Variants in CSNK1G1 observed in about 807,000 individuals in gnomAD.
CSNK1G1 encodes the protein casein kinase I isoform gamma-1.
A neutral mutation model predicts 59.6 loss-of-function variants in CSNK1G1; 22 were observed. That is an observed-to-expected ratio of 0.37 (90% CI 0.26 to 0.53). CSNK1G1 has a LOEUF of 0.53. Ranked by LOEUF, CSNK1G1 falls within the 20% of genes least tolerant of loss-of-function variation. The pLI is 0.89. For missense variants in CSNK1G1, 384 were observed against 519.5 expected, an observed-to-expected ratio of 0.74 and a Z score of 2.54; for synonymous variants, 179 against 177.1, an observed-to-expected ratio of 1.01 and a Z score of -0.08.
chr15:64,214,158 A>C lies in CSNK1G1; in HGVS notation c.445-34T>G. 6.9e-7 allele frequency: 1 copy of C among 1,449,204 alleles called. No individual in the cohort carries two copies. The highest frequency in any genetic ancestry group is 9.7e-7 in the Non-Finnish European group (1 of 1,030,340). The allele number at this position is 1,449,204 out of a possible 1,614,324, so 89.8% of individuals were successfully genotyped here. ...GAAACAAATGATAGAAAGACTGTAAAGAAGTATATCAGGAAAATACATCAA... is the reference window on the plus strand; with the variant it reads ...GAAACAAATGATAGAAAGACTGTAACGAAGTATATCAGGAAAATACATCAA... On this transcript the variant is annotated intron_variant, in intron 5 of 11. Transcript: ENST00000303052. This position sits in a 1 kb window ranked among gnomAD's most constrained non-coding sequence, Gnocchi z 4.3.
At chr15:64,280,703 C>T (rs1290851615) in intron 2 of CSNK1G1, among the ~76,000 whole-genome samples, 1 of 151,902 alleles carries the variant, frequency 6.6e-6, no homozygotes, top group African/African-American at 2.4e-5. Flanking sequence ...CTTCTCCCTC[C>T]AAATCAAAAC....
intron 10 of CSNK1G1, among the ~76,000 whole-genome samples, chr15:64,185,723 G>A (rs755571667): frequency 1.8e-4 from 28 of 151,992 alleles, no homozygotes; most frequent in Non-Finnish European, 3.7e-4. Flanking sequence ...AATTAGCTGG[G>A]TGTGGTGGCA....
chr15:64,217,856 T>A (rs1230104500), intron 4 of CSNK1G1, among the ~76,000 whole-genome samples: 1 of 151,824 alleles, frequency 6.6e-6, no homozygotes, highest in African/African-American at 2.4e-5. Flanking sequence ...TAAAAAATTA[T>A]CTGGTTTCAC....
chr15:64,327,759 G>C (rs1391178874), intron 1 of CSNK1G1, among the ~76,000 whole-genome samples: 2 of 140,284 alleles, frequency 1.4e-5, no homozygotes, highest in South Asian at 4.7e-4. Context: ...CAAAGGCAAA[G>C]AAGTTGAAAA....
chr15:64,174,215 C>G (rs2081713580), intron 11 of CSNK1G1, among the ~76,000 whole-genome samples: 1 of 152,182 alleles, frequency 6.6e-6, no homozygotes, highest in African/African-American at 2.4e-5. Context: ...CCAAGGCAAG[C>G]CATAAGAATT....
At chr15:64,301,773 G>A (rs1895352734) in intron 1 of CSNK1G1, among the ~76,000 whole-genome samples, 1 of 152,080 alleles carries the variant, frequency 6.6e-6, no homozygotes, top group South Asian at 2.1e-4. Flanking sequence ...TGTAATCCCA[G>A]CTACTCGGGA....
intron 1 of CSNK1G1, among the ~76,000 whole-genome samples, chr15:64,336,805 T>C (rs1337630048): frequency 6.6e-6 from 1 of 152,086 alleles, no homozygotes; most frequent in East Asian, 1.9e-4. Context: ...AATATAAAAA[T>C]TTTCACTAGT....
chr15:64,228,512 T>C (rs2082493965), intron 4 of CSNK1G1, among the ~76,000 whole-genome samples: 1 of 152,154 alleles, frequency 6.6e-6, no homozygotes, highest in Admixed American at 6.5e-5. Context: ...GGCGCACGCC[T>C]GTATTCCCAG....
At chr15:64,259,980 T>A (rs1311496866) in intron 2 of CSNK1G1, among the ~76,000 whole-genome samples, 1 of 152,220 alleles carries the variant, frequency 6.6e-6, no homozygotes, top group Non-Finnish European at 1.5e-5. Flanking sequence ...GGAATGATGA[T>A]GAGGGCCAGA....
intron 2 of CSNK1G1, among the ~76,000 whole-genome samples, chr15:64,279,988 A>G (rs1363862393): frequency 6.6e-6 from 1 of 151,856 alleles, no homozygotes; most frequent in Non-Finnish European, 1.5e-5. Context: ...AAAAAAAACA[A>G]AACAGAAACA....
rs193261388 is a variant in CSNK1G1 at position 64,187,341 on chromosome 15, G to A, written c.1108-6887C>T. On this transcript the variant is annotated intron_variant, in intron 10 of 11. Coordinates refer to ENST00000303052, the MANE Select transcript of CSNK1G1 (RefSeq NM_022048.5). The stretch of plus-strand genomic sequence containing the variant: ...TGAGTAGCTAGGATTACAGGTATGC[G>A]CCACCGGGCCTGGCTAATTTTTTTT... Among the ~76,000 whole-genome samples the A allele has an allele frequency of 9.2e-4, 138 of 150,628 alleles. 1 individual carries two copies. Among genetic ancestry groups the A allele is most frequent in the African/African-American group, 3.1e-3 (126 of 41,112 alleles).
intron 1 of CSNK1G1, among the ~76,000 whole-genome samples, chr15:64,339,352 G>A (rs1199378159): frequency 6.6e-6 from 1 of 151,990 alleles, no homozygotes; most frequent in Non-Finnish European, 1.5e-5. Flanking sequence ...TCACTCTCTC[G>A]CCCAAGGGGG....
intron 1 of CSNK1G1, among the ~76,000 whole-genome samples, chr15:64,306,113 A>G (rs1895673561): frequency 6.6e-6 from 1 of 152,248 alleles, no homozygotes; most frequent in Non-Finnish European, 1.5e-5. Context: ...CAACAAAAGC[A>G]TGATCAATGA....
At chr15:64,205,702 G>A (rs1198899980) in intron 7 of CSNK1G1, among the ~76,000 whole-genome samples, 1 of 152,162 alleles carries the variant, frequency 6.6e-6, no homozygotes, top group Non-Finnish European at 1.5e-5. Flanking sequence ...TATGGACAAC[G>A]AGAGAGTTTC....
intron 2 of CSNK1G1, among the ~76,000 whole-genome samples, chr15:64,262,491 G>T (rs538493194): frequency 6.6e-6 from 1 of 152,190 alleles, no homozygotes; most frequent in Non-Finnish European, 1.5e-5. Context: ...TATACTGTGG[G>T]TAGACCCATA....
intron 2 of CSNK1G1, among the ~76,000 whole-genome samples, chr15:64,272,786 C>T (rs1003530757): frequency 6.6e-6 from 1 of 152,102 alleles, no homozygotes; most frequent in African/African-American, 2.4e-5. Flanking sequence ...TGCTCTGTCG[C>T]CCAGGCTGGA....
chr15:64,271,741 T>C (rs1893320307), intron 2 of CSNK1G1, among the ~76,000 whole-genome samples: 1 of 152,224 alleles, frequency 6.6e-6, no homozygotes. Flanking sequence ...ATTCTGTTGT[T>C]TTGAAGTGCA....
At chr15:64,277,872 A>C (rs1448460038) in intron 2 of CSNK1G1, among the ~76,000 whole-genome samples, 8 of 138,264 alleles carry the variant, frequency 5.8e-5, no homozygotes, top group Non-Finnish European at 1.1e-4. Flanking sequence ...ATATTTAATA[A>C]TAATATTGAT....
At chr15:64,274,119 G>A (rs999179225) in intron 2 of CSNK1G1, among the ~76,000 whole-genome samples, 1 of 152,154 alleles carries the variant, frequency 6.6e-6, no homozygotes, top group African/African-American at 2.4e-5. Flanking sequence ...ATTTCTCTAA[G>A]GGCACCAAAA....
Sources: allele counts gnomAD v4.1 joint callset (sites outside exome capture counted in the v4.1 genomes callset), GRCh38; gene constraint gnomAD v4.1.1; non-coding constraint Gnocchi (gnomAD v3.1); transcripts MANE v1.5; gene names NCBI Gene and HGNC (gene_info 2026-07-23, HGNC 2026-07-21).